Variants in OR2L13 observed in about 807,000 individuals in gnomAD.
The protein encoded by OR2L13 is olfactory receptor family 2 subfamily L member 13, also known as olfactory receptor 2L13.
A neutral mutation model predicts 15.3 loss-of-function variants in OR2L13; 14 were observed. The observed-to-expected ratio is 0.91, with a 90% CI of 0.60 to 1.43. OR2L13 has a LOEUF of 1.43. OR2L13 is among the 40% of genes most tolerant of loss of function. The pLI, the probability that OR2L13 is intolerant of heterozygous loss-of-function variation, is 0.00. For missense variants in OR2L13, 367 were observed against 387.9 expected (o/e 0.95, Z 0.45); for synonymous variants, 152 against 142.9 (o/e 1.06, Z -0.45).
upstream of OR2L13, among the ~76,000 whole-genome samples, chr1:248,093,265 T>C (rs1664642710): frequency 1.3e-5 from 2 of 152,134 alleles, no homozygotes; most frequent in Admixed American, 1.3e-4. Flanking sequence ...AACAAGAACA[T>C]ACTGTGACGT....
chr1:248,038,735 T>G, the OR2L13 span: 2 of 1,614,194 alleles, frequency 1.2e-6, no homozygotes, highest in South Asian at 1.1e-5. Flanking sequence ...TCAACTCTTG[T>G]GCTCACACAG....
the OR2L13 span, among the ~76,000 whole-genome samples, chr1:248,008,536 T>C: frequency 6.6e-6 from 1 of 151,920 alleles, no homozygotes; most frequent in Non-Finnish European, 1.5e-5. Context: ...AAGTAACAAT[T>C]AACTTCCTTT....
the OR2L13 span, among the ~76,000 whole-genome samples, chr1:247,974,254 C>G: frequency 7.9e-5 from 12 of 152,060 alleles, no homozygotes; most frequent in Admixed American, 7.9e-4. Flanking sequence ...GGGAACATCA[C>G]ACACCAGAAC....
chr1:248,000,398 G>T, the OR2L13 span, among the ~76,000 whole-genome samples: 1 of 152,044 alleles, frequency 6.6e-6, no homozygotes, highest in Non-Finnish European at 1.5e-5. Context: ...TCTTCCTTGT[G>T]ATAAGTAGAC....
At chr1:248,055,761 CAGTG>C in the OR2L13 span, 1 of 152,176 alleles carries the variant, frequency 6.6e-6, no homozygotes. Flanking sequence ...GACTGGATGA[CAGTG>C]AGACTCCGTC....
At chr1:248,030,164 C>T in the OR2L13 span, 1 of 152,144 alleles carries the variant, frequency 6.6e-6, no homozygotes, top group Non-Finnish European at 1.5e-5. Flanking sequence ...TGAATTTGTT[C>T]CTATGATGAC....
the OR2L13 span, among the ~76,000 whole-genome samples, chr1:248,050,618 T>C: frequency 6.6e-6 from 1 of 152,184 alleles, no homozygotes; most frequent in Non-Finnish European, 1.5e-5. Context: ...TGTTATTTTT[T>C]TCTTTAAAAT....
the OR2L13 span, among the ~76,000 whole-genome samples, chr1:248,044,833 A>C: frequency 2.6e-4 from 22 of 83,734 alleles, 4 homozygotes; most frequent in Middle Eastern, 0.011. Context: ...AAAAAAAAAA[A>C]AAAAAACGCC....
At chr1:248,099,572 C>T in exon 3 of OR2L13, 2 of 1,614,142 alleles carry the variant, frequency 1.2e-6, no homozygotes, top group Non-Finnish European at 1.7e-6. Flanking sequence ...AGCCAGCTCT[C>T]CCTTATGGAC....
chr1:248,063,102 C>A, the OR2L13 span: 1 of 152,154 alleles, frequency 6.6e-6, no homozygotes, highest in African/African-American at 2.4e-5. Context: ...CCATACAAAT[C>A]TTAAATAATG....
chr1:248,063,795 T>TGTGTGTGTGTGTGC, the OR2L13 span, among the ~76,000 whole-genome samples: 1 of 3,716 alleles, frequency 2.7e-4, no homozygotes, highest in African/African-American at 2.8e-4. Context: ...GATGTGTGCG[T>TGTGTGTGTGTGTGC]GTGTGTGTGT....
the OR2L13 span, chr1:247,990,325 C>G: frequency 7.3e-7 from 1 of 1,373,258 alleles, no homozygotes; most frequent in Non-Finnish European, 1.0e-6. Context: ...TCGCCACCAC[C>G]AAAAATTGGC....
At chr1:247,996,422 C>A in the OR2L13 span, among the ~76,000 whole-genome samples, 1 of 152,186 alleles carries the variant, frequency 6.6e-6, no homozygotes, top group Non-Finnish European at 1.5e-5. Flanking sequence ...ACACAGACAT[C>A]TAAAAATGTA....
the OR2L13 span, among the ~76,000 whole-genome samples, chr1:247,971,769 C>T: frequency 0.84 from 127,908 of 152,146 alleles, 55,484 homozygotes; most frequent in South Asian, 0.97. Flanking sequence ...CCAAGCGGAC[C>T]GAATAGACAT....
the OR2L13 span, among the ~76,000 whole-genome samples, chr1:247,941,984 C>T: frequency 6.6e-6 from 1 of 152,084 alleles, no homozygotes. Context: ...CCTCCCAGTA[C>T]CAGTCTTGGT....
chr1:247,953,790 A>C, the OR2L13 span, among the ~76,000 whole-genome samples: 784 of 152,260 alleles, frequency 5.1e-3, 8 homozygotes, highest in African/African-American at 0.018. Flanking sequence ...AATAGCCCTT[A>C]TCACTACAGC....
the OR2L13 span, chr1:247,966,014 C>T: frequency 3.1e-6 from 5 of 1,613,516 alleles, no homozygotes; most frequent in South Asian, 4.4e-5. Context: ...CCATTCCTAG[C>T]CATTCTGGCT....
upstream of OR2L13, among the ~76,000 whole-genome samples, chr1:248,090,196 GT>G (rs926176330): frequency 1.2e-4 from 19 of 152,206 alleles, no homozygotes; most frequent in Middle Eastern, 3.4e-3. Context: ...GCTGACTTGA[GT>G]TTCGTTTGGT....
At chr1:248,095,495 G>A (rs537155542), upstream of OR2L13, among the ~76,000 whole-genome samples, 1 of 151,532 alleles carries the variant, frequency 6.6e-6, no homozygotes, top group East Asian at 2.0e-4. Context: ...ATTGATCAGT[G>A]ATATAATGTT....
Sources: gnomAD v4.1 joint callset for allele counts (sites outside exome capture counted in the v4.1 genomes callset) on GRCh38, gnomAD v4.1.1 for gene constraint, MANE v1.5 for transcripts, NCBI Gene and HGNC (gene_info 2026-07-23, HGNC 2026-07-21) for gene names.